EDARADD: variants seen among roughly 807,000 people sequenced by gnomAD.
The protein encoded by EDARADD is EDAR associated via death domain.
A neutral mutation model predicts 25.6 loss-of-function variants in EDARADD; 20 were observed. The ratio of observed to expected loss-of-function variants is 0.78; its 90% CI spans 0.55 to 1.14. The LOEUF (loss-of-function observed/expected upper bound fraction) is 1.14. Ranked by LOEUF, EDARADD falls within the 50% of genes most tolerant of loss-of-function variation. EDARADD has a pLI of 0.00. For missense variants in EDARADD, 225 were observed against 270.1 expected (o/e 0.83, Z 1.17); for synonymous variants, 86 against 94.4 (o/e 0.91, Z 0.52).
chr1:236,417,410 T>C (rs1039543543), intron 3 of EDARADD, among the ~76,000 whole-genome samples: 2 of 152,216 alleles, frequency 1.3e-5, no homozygotes, highest in Non-Finnish European at 2.9e-5. Context: ...ATAGATTGGT[T>C]TTGAATAATG....
chr1:236,411,309 A>C (rs1434360918), intron 2 of EDARADD, among the ~76,000 whole-genome samples: 1 of 152,192 alleles, frequency 6.6e-6, no homozygotes. Flanking sequence ...TGGAAGCTTG[A>C]AATCAAGGTG....
chr1:236,357,026 G>GA (rs2102990476), intron 3 of EDARADD, among the ~76,000 whole-genome samples: 1 of 152,008 alleles, frequency 6.6e-6, no homozygotes, highest in South Asian at 2.1e-4. Flanking sequence ...GGAGATGGCA[G>GA]TGAGCCAAGA....
chr1:236,481,151 G>A (rs1302641999), intron 5 of EDARADD, among the ~76,000 whole-genome samples: 1 of 152,150 alleles, frequency 6.6e-6, no homozygotes, highest in Non-Finnish European at 1.5e-5. Context: ...TTTCATGTCT[G>A]TGTTGTTGTT....
intron 4 of EDARADD, among the ~76,000 whole-genome samples, chr1:236,454,828 C>T (rs1223339487): frequency 6.6e-6 from 1 of 152,182 alleles, no homozygotes; most frequent in Admixed American, 6.5e-5. Context: ...GACTTTTCCA[C>T]AGTTCTGAAT....
Position 236,405,501 on chromosome 1 carries a change from C to T in EDARADD, c.62-3715C>T, listed in dbSNP as rs138610003. ...CTCCTCATGGTGCAGAGGAAGAGCC[C>T]GAGGCTTAGAAAGCTTACGTGACTT... is the stretch of plus-strand genomic sequence containing the variant. On this transcript the variant is annotated intron_variant, in intron 1 of 5. Transcript: ENST00000334232. 4.6e-3 allele frequency among the ~76,000 whole-genome samples: 696 copies of T among 152,254 alleles called. 3 individuals carry two copies. Among genetic ancestry groups the T allele is most frequent in the Middle Eastern group, 0.01 (3 of 294 alleles).
upstream of EDARADD, among the ~76,000 whole-genome samples, chr1:236,390,967 AGATGGAGT>A (rs1181607047): frequency 6.7e-5 from 2 of 30,028 alleles, no homozygotes; most frequent in Non-Finnish European, 1.1e-4. Context: ...TTATTTTTTG[AGATGGAGT>A]CTCACTCTGT....
chr1:236,394,496 C>T lies in EDARADD; in HGVS notation c.52C>T (p.His18Tyr), dbSNP rs1572125130. Residue 18 changes from histidine (H) to tyrosine (Y), a missense_variant, in exon 1 of 6, where the codon CAC (histidine) becomes TAC (tyrosine). By Grantham distance (83) the His-to-Tyr change is moderately conservative. Coordinates refer to ENST00000334232, the MANE Select transcript of EDARADD (RefSeq NM_145861.4). ...QMGRGTKAPG[H>Y]QEDHMVKEPV... The stretch of plus-strand genomic sequence containing the variant: ...GGGGAGAGGCACTAAAGCTCCTGGT[C>T]ACCAAGAGGGTATGTAGGCATTTGC... 6.2e-7 allele frequency: 1 copy of T among 1,614,034 alleles called. No individual in the cohort carries two copies. The highest frequency in any genetic ancestry group is 8.5e-7 in the Non-Finnish European group (1 of 1,179,974).
intron 4 of EDARADD, among the ~76,000 whole-genome samples, chr1:236,459,111 G>A (rs1658965896): frequency 6.6e-6 from 1 of 152,088 alleles, no homozygotes; most frequent in Non-Finnish European, 1.5e-5. Flanking sequence ...CTGAACCGGG[G>A]TGTCTGTGGA....
rs1659773932 is a variant in EDARADD, at chr1:236,484,455, C to T, written c.*1806C>T. On this transcript the variant is annotated 3_prime_UTR_variant, in exon 6 of 6. Coordinates refer to ENST00000334232, the MANE Select transcript of EDARADD (RefSeq NM_145861.4). This position sits in a 1 kb window ranked among gnomAD's most constrained non-coding sequence, Gnocchi z 4.1. ...GTTTGCCGGCAGGAACTTCAGAAAC[C>T]CCCCAGCCAAGTAAGCTGTGGGCAG... 1.2e-6 allele frequency: 2 copies of T among 1,608,724 alleles called. No homozygotes were observed. The highest frequency in any genetic ancestry group is 4.5e-5 in the East Asian group (2 of 44,846).
chr1:236,484,708 GAAAAA>G lies in EDARADD; in HGVS notation c.*2074_*2078del, dbSNP rs11358746. 5.9e-4 allele frequency: 88 copies of G among 148,716 alleles called. No homozygotes were observed. The highest frequency in any genetic ancestry group is 1.6e-3 in the South Asian group (12 of 7,652). The allele number at this position is 148,716 out of a possible 1,614,324, so 9.2% of individuals were successfully genotyped here. ...GGAGACAGAGTGAGAGTCCGTCCCA[GAAAAA>G]AAAAAAAAAAAAAAGAACTTCTACA... On this transcript the variant is annotated 3_prime_UTR_variant, in exon 6 of 6. Coordinates refer to ENST00000334232, the MANE Select transcript of EDARADD (RefSeq NM_145861.4). The surrounding 1 kb of genome is among the most constrained non-coding windows in gnomAD (Gnocchi z 4.1).
At chr1:236,463,528 G>A (rs1482418344) in intron 4 of EDARADD, among the ~76,000 whole-genome samples, 2 of 152,180 alleles carry the variant, frequency 1.3e-5, no homozygotes, top group African/African-American at 2.4e-5. Flanking sequence ...CCCGACCTCA[G>A]GTGATCAGCC....
At chr1:236,473,671 G>A (rs1379152514) in intron 5 of EDARADD, among the ~76,000 whole-genome samples, 1 of 152,140 alleles carries the variant, frequency 6.6e-6, no homozygotes, top group African/African-American at 2.4e-5. Context: ...TGTGGTCCCA[G>A]CTACTCAGGA....
chr1:236,393,174 C>G (rs2102999381), upstream of EDARADD, among the ~76,000 whole-genome samples: 1 of 152,254 alleles, frequency 6.6e-6, no homozygotes, highest in East Asian at 1.9e-4. Flanking sequence ...TAATGTAACA[C>G]AACCTTAGAG....
chr1:236,351,096 A>G (rs1666910652), intron 3 of EDARADD, among the ~76,000 whole-genome samples: 1 of 151,822 alleles, frequency 6.6e-6, no homozygotes, highest in African/African-American at 2.4e-5. Flanking sequence ...CCATGATTAC[A>G]CCACTGCACT....
chr1:236,436,135 C>T (rs1349121100), intron 4 of EDARADD, among the ~76,000 whole-genome samples: 1 of 149,976 alleles, frequency 6.7e-6, no homozygotes, highest in Non-Finnish European at 1.5e-5. Context: ...GAGACCCCAT[C>T]TCTATTAAAA....
intron 4 of EDARADD, among the ~76,000 whole-genome samples, chr1:236,466,212 C>A (rs1362142969): frequency 2.6e-5 from 4 of 152,148 alleles, no homozygotes; most frequent in Non-Finnish European, 5.9e-5. Flanking sequence ...CACATACCTG[C>A]CCGATCCTGC....
intron 4 of EDARADD, among the ~76,000 whole-genome samples, chr1:236,456,206 T>C (rs957037171): frequency 3.3e-5 from 5 of 152,168 alleles, no homozygotes; most frequent in African/African-American, 7.2e-5. Context: ...TCACTTGTTC[T>C]CTTCTGTGAA....
intron 3 of EDARADD, among the ~76,000 whole-genome samples, chr1:236,371,187 A>G (rs2102993565): frequency 6.6e-6 from 1 of 152,334 alleles, no homozygotes; most frequent in South Asian, 2.1e-4. Flanking sequence ...AGGAGCTAAT[A>G]TAAATGGTAC....
chr1:236,407,477 A>G (rs1571916556), intron 1 of EDARADD, among the ~76,000 whole-genome samples: 2 of 150,576 alleles, frequency 1.3e-5, no homozygotes, highest in South Asian at 4.1e-4. Flanking sequence ...GAAACTGTGG[A>G]AAGTTCAGAC....
Sources: gnomAD v4.1 joint callset for allele counts (sites outside exome capture counted in the v4.1 genomes callset) on GRCh38, gnomAD v4.1.1 for gene constraint, Gnocchi (gnomAD v3.1) non-coding constraint, MANE v1.5 for transcripts, NCBI Gene and HGNC (gene_info 2026-07-23, HGNC 2026-07-21) for gene names.